ZNF346: variants seen among roughly 807,000 people sequenced by gnomAD.
ZNF346 encodes zinc finger protein 346, also known as double-stranded RNA-binding zinc finger protein JAZ.
A neutral mutation model predicts 33.7 loss-of-function variants in ZNF346; 23 were observed. The ratio of observed to expected loss-of-function variants is 0.68; its 90% CI spans 0.49 to 0.97. ZNF346 has a LOEUF of 0.97. Ranked by LOEUF, ZNF346 falls within the 50% of genes least tolerant of loss-of-function variation. ZNF346 has a pLI of 0.00. For missense variants in ZNF346, 340 were observed against 371.1 expected, an observed-to-expected ratio of 0.92 and a Z score of 0.69; for synonymous variants, 134 against 142.4, an observed-to-expected ratio of 0.94 and a Z score of 0.42.
At chr5:177,028,614 G>T (rs1160855933) in intron 1 of ZNF346, among the ~76,000 whole-genome samples, 1 of 145,486 alleles carries the variant, frequency 6.9e-6, no homozygotes, top group Non-Finnish European at 1.5e-5. Context: ...AAAATATTTG[G>T]CCTTTTGTCC....
At chr5:177,028,698 A>C (rs2149585129) in intron 1 of ZNF346, among the ~76,000 whole-genome samples, 1 of 141,750 alleles carries the variant, frequency 7.1e-6, no homozygotes, top group East Asian at 2.0e-4. Flanking sequence ...ATTTATAACA[A>C]GCCCCTTTCT....
At chr5:177,044,593 C>G in intron 4 of ZNF346, 60 bp downstream of exon 4, 2 of 1,567,606 alleles carry the variant, frequency 1.3e-6, no homozygotes, top group Non-Finnish European at 1.7e-6. Context: ...GGCACTACTG[C>G]CAGGGGCTCA....
Position 177,061,975 on chromosome 5 carries a change from G to A in ZNF346, c.704-83G>A, listed in dbSNP as rs1019357495. The A allele has an allele frequency of 9.1e-6, 11 of 1,214,088 alleles. No individual in the cohort carries two copies. In the African/African-American group the frequency reaches 1.7e-4, roughly 18 times the overall value. 75.2% of individuals were successfully genotyped at this position (1,214,088 alleles called of 1,614,324 possible). A position where few individuals can be genotyped will look rare whatever the true frequency, so the allele number is the denominator to read the frequency against. On this transcript the variant is annotated intron_variant, in intron 5 of 6. Coordinates refer to ENST00000358149, the MANE Select transcript of ZNF346 (RefSeq NM_012279.4). ...TCGCCTCACCTGTCCGTCCTTAGAA[G>A]GGCATTTGTACACTCTGAAAAGCAA...
At chr5:177,063,934 A>G (rs1423300400) in intron 6 of ZNF346, among the ~76,000 whole-genome samples, 1 of 152,164 alleles carries the variant, frequency 6.6e-6, no homozygotes, top group Non-Finnish European at 1.5e-5. Flanking sequence ...GTAAGAATAA[A>G]GCTATAATTT....
intron 1 of ZNF346, among the ~76,000 whole-genome samples, chr5:177,036,935 T>TTTTG (rs936755030): frequency 1.5e-4 from 23 of 151,836 alleles, no homozygotes; most frequent in East Asian, 3.9e-4. Context: ...AACCCTGAGG[T>TTTTG]TTTGTTTGTT....
Position 177,022,765 on chromosome 5 carries a change from G to A in ZNF346, c.27G>A (p.Val9=), listed in dbSNP as rs917428241. MEYPAPAT[V]QAADGGAAGP... ...TGGAGTATCCCGCGCCGGCCACGGT[G>A]CAGGCCGCGGACGGCGGAGCGGCCG... The change falls in exon 1 of 7, where the codon GTG becomes GTA. Residue 9 remains valine, a synonymous_variant. Coordinates refer to ENST00000358149, the MANE Select transcript of ZNF346 (RefSeq NM_012279.4). The A allele has an allele frequency of 5.1e-6, 8 of 1,558,214 alleles. No individual in the cohort carries two copies. Among genetic ancestry groups the A allele is most frequent in the East Asian group, 2.4e-5 (1 of 41,014 alleles).
intron 4 of ZNF346, among the ~76,000 whole-genome samples, chr5:177,049,886 G>T (rs1441783774): frequency 6.6e-6 from 1 of 152,086 alleles, no homozygotes; most frequent in Admixed American, 6.5e-5. Context: ...GCCCAGGCTG[G>T]AGTGCAGTGG....
intron 3 of ZNF346, 45 bp from the exon 4 acceptor site, chr5:177,044,344 G>A: frequency 6.2e-7 from 1 of 1,609,896 alleles, no homozygotes; most frequent in South Asian, 1.1e-5. Flanking sequence ...AGATTTTCTG[G>A]TGGGGCAGTG....
rs940099990 is a variant in ZNF346 at position 177,036,902 on chromosome 5, A to C, written c.176-4224A>C. Reference sequence around the variant, plus strand: ...AGCTGACATTATGCCACTGCACTCCAGTGTGGGCACTGCAGCCTGGGAAAC... The same window carrying C: ...AGCTGACATTATGCCACTGCACTCCCGTGTGGGCACTGCAGCCTGGGAAAC... On this transcript the variant is annotated intron_variant, in intron 1 of 6. Transcript: ENST00000358149. Among the ~76,000 whole-genome samples the C allele has an allele frequency of 5.9e-5, 9 of 151,984 alleles. No individual in the cohort carries two copies. The South Asian group carries it at 1.9e-3, about 32-fold the overall frequency.
exon 9 of ZNF346, chr5:177,080,411 A>C (rs1358548877): frequency 6.6e-6 from 1 of 152,250 alleles, no homozygotes; most frequent in East Asian, 1.9e-4. Context: ...ATACATCATC[A>C]TACTGAGTCC....
At chr5:177,028,688 A>G (rs1287005822) in intron 1 of ZNF346, among the ~76,000 whole-genome samples, 3 of 95,744 alleles carry the variant, frequency 3.1e-5, no homozygotes, top group East Asian at 3.3e-4. Context: ...GACTTTTGTT[A>G]TTTATAACAA....
intron 4 of ZNF346, 149 bp downstream of exon 4, chr5:177,044,682 A>ATTTT: frequency 1.3e-6 from 1 of 789,746 alleles, no homozygotes; most frequent in East Asian, 2.7e-5. Flanking sequence ...AAGTAGACCC[A>ATTTT]GCTTCACTGA....
intron 5 of ZNF346, among the ~76,000 whole-genome samples, chr5:177,061,717 GT>G (rs1420458567): frequency 6.6e-6 from 1 of 152,206 alleles, no homozygotes; most frequent in East Asian, 1.9e-4. Context: ...AGTGAAGGAC[GT>G]CCTTAATGAG....
At position 177,077,762 on chromosome 5, in the gene ZNF346, C is replaced by T. The variant is rs1433249901; in HGVS notation, c.*3-1620C>T. On this transcript the variant is annotated intron_variant, in intron 8 of 8. Coordinates refer to the ZNF346 transcript ENST00000503039. The surrounding 1 kb of genome is among the most constrained non-coding windows in gnomAD (Gnocchi z 5.0). ...GTGGACTGCTAGTAGGGGAGGACCA[C>T]GACATCAAGAAAAGTTTGAGGGGTC... Among the ~76,000 whole-genome samples, 4 of 152,172 alleles carry T rather than the reference C, an allele frequency of 2.6e-5. No homozygotes were observed. In the East Asian group the frequency reaches 5.8e-4, roughly 22 times the overall value.
intron 1 of ZNF346, among the ~76,000 whole-genome samples, chr5:177,030,937 T>G (rs1777601071): frequency 6.6e-6 from 1 of 151,050 alleles, no homozygotes; most frequent in African/African-American, 2.4e-5. Context: ...GGTTTTTTTT[T>G]GAGACGACAT....
intron 8 of ZNF346, among the ~76,000 whole-genome samples, chr5:177,073,439 G>A (rs187299269): frequency 3.3e-4 from 50 of 152,232 alleles, no homozygotes; most frequent in South Asian, 1.7e-3. Context: ...GAGTAGCTGG[G>A]ACTACAGGCG....
At chr5:177,076,771 T>C (rs1783770457) in intron 8 of ZNF346, among the ~76,000 whole-genome samples, 1 of 152,228 alleles carries the variant, frequency 6.6e-6, no homozygotes, top group Admixed American at 6.5e-5. Context: ...CCGGGCGTGG[T>C]GGCTCACGCC....
chr5:177,047,387 G>T (rs1780225574), intron 4 of ZNF346, among the ~76,000 whole-genome samples: 1 of 151,448 alleles, frequency 6.6e-6, no homozygotes, highest in Non-Finnish European at 1.5e-5. Flanking sequence ...GCCCAAGCTG[G>T]AGTGAAATGG....
chr5:177,035,246 G>A (rs1778312213), intron 1 of ZNF346, among the ~76,000 whole-genome samples: 1 of 152,064 alleles, frequency 6.6e-6, no homozygotes. Context: ...CAAACTCCTG[G>A]CCTCAAGCAA....
Sources: gnomAD v4.1 joint callset for allele counts (sites outside exome capture counted in the v4.1 genomes callset) on GRCh38, gnomAD v4.1.1 for gene constraint, Gnocchi (gnomAD v3.1) non-coding constraint, MANE v1.5 for transcripts, NCBI Gene and HGNC (gene_info 2026-07-23, HGNC 2026-07-21) for gene names.